The following MAP3K5 variants were observed in gnomAD, a reference collection of about 807,000 sequenced individuals.
MAP3K5 encodes the protein ASK-1.
MAP3K5 carries 56 observed loss-of-function variants against 158.7 expected under a neutral mutation model. The observed-to-expected ratio is 0.35, with a 90% CI of 0.28 to 0.44. The LOEUF (loss-of-function observed/expected upper bound fraction) is 0.44. Among genes scored for constraint, MAP3K5 ranks in the 20% least tolerant of loss-of-function variants. The probability of loss-of-function intolerance (pLI) is 1.00; values close to 1 mark genes in which losing one functional copy is unlikely to be tolerated. For synonymous variants in MAP3K5, 579 were observed against 601.7 expected (o/e 0.96, Z 0.55); for missense variants, 1,294 against 1,674.8 (o/e 0.77, Z 3.97).
At position 136,639,078 on chromosome 6, in the gene MAP3K5, C is replaced by T. The variant is rs536078670; in HGVS notation, c.1934+465G>A. 2.0e-5 allele frequency among the ~76,000 whole-genome samples: 3 copies of T among 152,138 alleles called. No individual in the cohort carries two copies. The East Asian group carries it at 5.8e-4, about 29-fold the overall frequency. On this transcript the variant is annotated intron_variant, in intron 13 of 29. Transcript: ENST00000359015. ...CAGTGGCTCTTAACTCAGGCTTCAC[C>T]CCCACCAGAACGTCCAATATAATTA... is the stretch of plus-strand genomic sequence containing the variant.
chr6:136,761,892 T>C (rs115441805), intron 1 of MAP3K5, among the ~76,000 whole-genome samples: 1,626 of 152,198 alleles, frequency 0.011, 32 homozygotes, highest in African/African-American at 0.037. Context: ...AATGGCCCAC[T>C]TGAGACCAGA....
intron 1 of MAP3K5, among the ~76,000 whole-genome samples, chr6:136,751,021 T>A (rs1441556194): frequency 6.6e-6 from 1 of 152,206 alleles, no homozygotes; most frequent in African/African-American, 2.4e-5. Context: ...TCATGACTTA[T>A]AACCCCAGTG....
intron 25 of MAP3K5, among the ~76,000 whole-genome samples, chr6:136,579,156 T>C (rs1774752383): frequency 6.6e-6 from 1 of 152,198 alleles, no homozygotes; most frequent in Non-Finnish European, 1.5e-5. Flanking sequence ...TATAAATCTG[T>C]ATCTATCCAT....
Position 136,601,804 on chromosome 6 carries a change from G to T in MAP3K5, c.2855C>A (p.Ser952Ter), listed in dbSNP as rs746562785. 5 of 1,613,680 alleles carry T rather than the reference G, an allele frequency of 3.1e-6. No individual in the cohort carries two copies. Among genetic ancestry groups the T allele is most frequent in the Non-Finnish European group, 3.4e-6 (4 of 1,179,918 alleles). ...SKKKKTQPKL[S>*]ALSAGSNEYL... ...TCCTCTTCAATGCAACCACATACCT[G>T]AAAGCTTAGGTTGTGTCTTTTTCTT... Residue 952 changes from serine to a stop codon, truncating the protein, a stop_gained and splice_region_variant, in exon 20 of 30, where the codon TCA becomes TAA. Transcript: ENST00000359015. LOFTEE classifies it high-confidence loss of function.
Position 136,592,540 on chromosome 6 carries a change from C to T in MAP3K5, c.2953G>A (p.Val985Ile), listed in dbSNP as rs754685628. Residue 985 changes from valine (V) to isoleucine (I), a missense_variant, in exon 22 of 30, where the codon GTT (valine) becomes ATT (isoleucine). Physicochemically the swap from Val to Ile is conservative, Grantham distance 29. Transcript: ENST00000359015. Reference protein sequence around the residue: ...DTSSSSEYGSVSPDTELKVDP... With the variant: ...DTSSSSEYGSISPDTELKVDP... ...ACTTTCAACTCCGTGTCGGGTGAAA[C>T]TGAGCCGTACTCACTGCTGCTGCTG... 1 of 1,614,028 alleles carries T rather than the reference C, an allele frequency of 6.2e-7. No homozygotes were observed. The highest frequency in any genetic ancestry group is 8.5e-7 in the Non-Finnish European group (1 of 1,179,994).
chr6:136,562,698 G>C, intron 26 of MAP3K5, 83 bp from the exon 27 acceptor site: 3 of 673,286 alleles, frequency 4.5e-6, no homozygotes, highest in Non-Finnish European at 7.5e-6. Context: ...TAGATACAAG[G>C]TCTCTCTCTG....
intron 1 of MAP3K5, among the ~76,000 whole-genome samples, chr6:136,730,153 G>GTTTTT (rs60058823): frequency 1.5e-5 from 2 of 133,392 alleles, no homozygotes; most frequent in Non-Finnish European, 1.6e-5. Context: ...TTGTTTGGTT[G>GTTTTT]TTTTTTTTTT....
chr6:136,736,183 T>C (rs999999775), intron 1 of MAP3K5, among the ~76,000 whole-genome samples: 6 of 152,114 alleles, frequency 3.9e-5, no homozygotes, highest in African/African-American at 1.4e-4. Flanking sequence ...CTAAGAAGTG[T>C]GGGTGAGCGC....
chr6:136,732,890 T>C (rs1262626973), intron 1 of MAP3K5, among the ~76,000 whole-genome samples: 1 of 152,158 alleles, frequency 6.6e-6, no homozygotes, highest in Non-Finnish European at 1.5e-5. Flanking sequence ...TTATTCTGCT[T>C]AGTGGCCACA....
At position 136,656,406 on chromosome 6, in the gene MAP3K5, C is replaced by T. The variant is rs201766679; in HGVS notation, c.1581G>A (p.Leu527=). The part of the protein sequence containing the change: ...TILIYKHFVK[L]TTEQPVAKQE... Reference sequence around the variant, plus strand: ...GCTTGGCCACAGGCTGTTCTGTGGTCAGTTTCACAAAATGCTTATATATTA... The same window carrying T: ...GCTTGGCCACAGGCTGTTCTGTGGTTAGTTTCACAAAATGCTTATATATTA... Residue 527 remains leucine (L), a synonymous_variant, in exon 10 of 30, where the codon CTG becomes CTA. Transcript: ENST00000359015. 17 of 1,609,236 alleles carry T rather than the reference C, an allele frequency of 1.1e-5. No homozygotes were observed. The East Asian group carries it at 3.6e-4, about 34-fold the overall frequency.
At chr6:136,602,686 A>T (rs1350361985) in intron 19 of MAP3K5, among the ~76,000 whole-genome samples, 1 of 152,192 alleles carries the variant, frequency 6.6e-6, no homozygotes, top group Non-Finnish European at 1.5e-5. Flanking sequence ...GATCTCATCA[A>T]ATCCTTCCAA....
At position 136,789,140 on chromosome 6, in the gene MAP3K5, AC is replaced by A. The variant is rs530253403; in HGVS notation, c.448+2569del. Among the ~76,000 whole-genome samples, 1,007 of 152,222 alleles carry A rather than the reference AC, an allele frequency of 6.6e-3. 10 individuals are homozygous for A. Among genetic ancestry groups the A allele is most frequent in the African/African-American group, 0.022 (924 of 41,526 alleles). ...GCAAGACCCCGTCTCTACAAAAAAA[AC>A]ATAGTAAAATAAAATAAAATTAGCC... On this transcript the variant is annotated intron_variant, in intron 1 of 29. Coordinates refer to ENST00000359015, the MANE Select transcript of MAP3K5 (RefSeq NM_005923.4).
intron 2 of MAP3K5, among the ~76,000 whole-genome samples, chr6:136,714,790 AT>A (rs1781452084): frequency 6.6e-6 from 1 of 152,246 alleles, no homozygotes; most frequent in South Asian, 2.1e-4. Flanking sequence ...TATTATTAAA[AT>A]TTGCTGATTT....
chr6:136,752,514 C>T (rs538007564), intron 1 of MAP3K5, among the ~76,000 whole-genome samples: 1 of 152,206 alleles, frequency 6.6e-6, no homozygotes, highest in East Asian at 1.9e-4. Context: ...TGGGTTCAAG[C>T]GATTCTCCTA....
intron 7 of MAP3K5, among the ~76,000 whole-genome samples, chr6:136,684,521 A>G (rs1780063555): frequency 6.6e-6 from 1 of 152,188 alleles, no homozygotes; most frequent in Non-Finnish European, 1.5e-5. Context: ...CCTCTAAGGC[A>G]TGGTGATTTG....
At chr6:136,662,272 T>C (rs1213863184) in intron 8 of MAP3K5, among the ~76,000 whole-genome samples, 1 of 152,188 alleles carries the variant, frequency 6.6e-6, no homozygotes, top group Non-Finnish European at 1.5e-5. Context: ...CCCTTCCCAG[T>C]GAGGGGGACT....
intron 7 of MAP3K5, among the ~76,000 whole-genome samples, chr6:136,680,774 T>C (rs1014744085): frequency 1.3e-5 from 2 of 152,350 alleles, no homozygotes; most frequent in African/African-American, 2.4e-5. Context: ...AGTTTTCATA[T>C]GTACACTTAC....
intron 1 of MAP3K5, among the ~76,000 whole-genome samples, chr6:136,772,865 C>T (rs929392383): frequency 2.0e-5 from 3 of 152,138 alleles, no homozygotes; most frequent in African/African-American, 7.2e-5. Context: ...CCTGTGAAAT[C>T]TGGCCATTGG....
intron 3 of MAP3K5, among the ~76,000 whole-genome samples, chr6:136,700,478 G>A (rs966405556): frequency 2.0e-5 from 3 of 152,200 alleles, no homozygotes; most frequent in African/African-American, 7.2e-5. Flanking sequence ...CAGAAAGCAA[G>A]AATTCAGAAA....
Sources: allele counts gnomAD v4.1 joint callset (sites outside exome capture counted in the v4.1 genomes callset), GRCh38; gene constraint gnomAD v4.1.1; transcripts MANE v1.5; gene names NCBI Gene and HGNC (gene_info 2026-07-23, HGNC 2026-07-21).